The following PDE3A variants were observed in gnomAD, a reference collection of about 807,000 sequenced individuals.
The protein encoded by PDE3A is phosphodiesterase 3A.
PDE3A carries 43 observed loss-of-function variants against 98.3 expected under a neutral mutation model. The observed-to-expected ratio is 0.44, with a 90% CI of 0.34 to 0.56. The LOEUF is 0.56. Ranked by LOEUF, PDE3A falls within the 20% of genes least tolerant of loss-of-function variation. PDE3A has a pLI of 0.01. For missense variants in PDE3A, 1,427 were observed against 1,440.7 expected (o/e 0.99, Z 0.15); for synonymous variants, 663 against 567.9 (o/e 1.17, Z -2.38).
chr12:20,444,293 T>A (rs1944918297), intron 1 of PDE3A, among the ~76,000 whole-genome samples: 1 of 152,196 alleles, frequency 6.6e-6, no homozygotes, highest in South Asian at 2.1e-4. Context: ...CAGTTTTCCA[T>A]GTGCCTTAGA....
chr12:20,380,651 C>T (rs559004587), intron 1 of PDE3A, among the ~76,000 whole-genome samples: 72 of 151,764 alleles, frequency 4.7e-4, no homozygotes, highest in African/African-American at 1.7e-3. Context: ...AAAGTGATTT[C>T]GAACCTTATG....
At chr12:20,584,142 C>CAAAG (rs1283678060) in intron 2 of PDE3A, among the ~76,000 whole-genome samples, 1 of 152,128 alleles carries the variant, frequency 6.6e-6, no homozygotes, top group Non-Finnish European at 1.5e-5. Flanking sequence ...TGTCTCTTGT[C>CAAAG]AAAGACATAA....
chr12:20,446,797 T>G (rs1435555661), intron 1 of PDE3A, among the ~76,000 whole-genome samples: 1 of 152,184 alleles, frequency 6.6e-6, no homozygotes, highest in Admixed American at 6.5e-5. Context: ...GTATGTTATC[T>G]TATATTGGTT....
At chr12:20,547,891 C>T (rs916984575) in intron 1 of PDE3A, among the ~76,000 whole-genome samples, 1 of 152,042 alleles carries the variant, frequency 6.6e-6, no homozygotes, top group Non-Finnish European at 1.5e-5. Context: ...TTAAAAATAT[C>T]TCTGCTTGGA....
chr12:20,607,425 A>G (rs964661583), intron 2 of PDE3A, among the ~76,000 whole-genome samples: 2 of 149,038 alleles, frequency 1.3e-5, no homozygotes, highest in African/African-American at 2.5e-5. Context: ...TGACAGAGTG[A>G]GACTCCGTCT....
intron 1 of PDE3A, among the ~76,000 whole-genome samples, chr12:20,511,168 A>G (rs1411188346): frequency 2.0e-5 from 3 of 152,084 alleles, no homozygotes; most frequent in Non-Finnish European, 4.4e-5. Flanking sequence ...ATGTTGATAC[A>G]AGTGGGTAGA....
chr12:20,384,123 C>A (rs1023231617), intron 1 of PDE3A, among the ~76,000 whole-genome samples: 1 of 151,396 alleles, frequency 6.6e-6, no homozygotes. Flanking sequence ...ATTTTAGAGA[C>A]CAAATAATAA....
chr12:20,668,597 C>T lies in PDE3A; in HGVS notation c.3185-11433C>T, dbSNP rs564893480. ...CCCCCCAGTAGAGGAACACTGACAC[C>T]TCACATGGCAGGGTACTCCAACAGA... On this transcript the variant is annotated intron_variant, in intron 15 of 15. Coordinates refer to ENST00000359062, the MANE Select transcript of PDE3A (RefSeq NM_000921.5). Among the ~76,000 whole-genome samples, 435 of 152,298 alleles carry T rather than the reference C, an allele frequency of 2.9e-3. 2 individuals are homozygous for T. Among genetic ancestry groups the T allele is most frequent in the Middle Eastern group, 6.8e-3 (2 of 294 alleles).
intron 1 of PDE3A, among the ~76,000 whole-genome samples, chr12:20,533,512 C>T (rs1941666487): frequency 1.4e-5 from 2 of 146,786 alleles, no homozygotes; most frequent in African/African-American, 2.5e-5. Context: ...GACGTGGTCT[C>T]GTCCTGTCAC....
At chr12:20,370,326 C>T in intron 1 of PDE3A, 82 bp downstream of exon 1, 4 of 1,257,206 alleles carry the variant, frequency 3.2e-6, no homozygotes, top group Non-Finnish European at 3.2e-6. Flanking sequence ...AATCCGAGCG[C>T]TGGGAACTAA....
At chr12:20,566,540 A>G (rs1253745968) in intron 2 of PDE3A, among the ~76,000 whole-genome samples, 2 of 151,858 alleles carry the variant, frequency 1.3e-5, no homozygotes, top group East Asian at 3.9e-4. Context: ...GTTTAGGAGG[A>G]AAAACCTCTC....
chr12:20,531,484 G>A (rs945085852), intron 1 of PDE3A, among the ~76,000 whole-genome samples: 1 of 152,118 alleles, frequency 6.6e-6, no homozygotes, highest in South Asian at 2.1e-4. Context: ...TAGATAAGAA[G>A]GTACTCCTCT....
chr12:20,594,344 A>G (rs766034827), intron 2 of PDE3A, among the ~76,000 whole-genome samples: 3 of 152,192 alleles, frequency 2.0e-5, no homozygotes, highest in Non-Finnish European at 4.4e-5. Flanking sequence ...GGTATTAACC[A>G]AAAGAAAAAA....
At chr12:20,416,308 A>G (rs1397079412) in intron 1 of PDE3A, among the ~76,000 whole-genome samples, 1 of 152,238 alleles carries the variant, frequency 6.6e-6, no homozygotes, top group Non-Finnish European at 1.5e-5. Flanking sequence ...TATGTGAAAC[A>G]GACAAACTAC....
chr12:20,406,285 T>C (rs1176980631), intron 1 of PDE3A, among the ~76,000 whole-genome samples: 1 of 152,200 alleles, frequency 6.6e-6, no homozygotes, highest in East Asian at 1.9e-4. Flanking sequence ...CAGTTCTGTT[T>C]TTAAGTTTTT....
intron 12 of PDE3A, among the ~76,000 whole-genome samples, chr12:20,648,322 C>G (rs929302581): frequency 6.0e-5 from 9 of 149,142 alleles, no homozygotes; most frequent in Non-Finnish European, 1.2e-4. Context: ...TAATTTTTTT[C>G]TTTTTTCTTT....
At chr12:20,635,247 C>G (rs187397248) in intron 8 of PDE3A, among the ~76,000 whole-genome samples, 191 bp downstream of exon 8, 166 of 152,122 alleles carry the variant, frequency 1.1e-3, no homozygotes, top group African/African-American at 3.9e-3. Context: ...GGTGAAACCC[C>G]TATCTGTAAT....
At chr12:20,644,004 C>T (rs1045096955) in intron 10 of PDE3A, among the ~76,000 whole-genome samples, 10 of 152,078 alleles carry the variant, frequency 6.6e-5, no homozygotes, top group Non-Finnish European at 2.9e-5. Context: ...ATACTGCCCC[C>T]CATCCACCTC....
chr12:20,545,156 A>C (rs1942017066), intron 1 of PDE3A, among the ~76,000 whole-genome samples: 1 of 152,100 alleles, frequency 6.6e-6, no homozygotes, highest in Non-Finnish European at 1.5e-5. Context: ...AGGATAAACC[A>C]GATGTATTAA....
Sources: allele counts gnomAD v4.1 joint callset (sites outside exome capture counted in the v4.1 genomes callset), GRCh38; gene constraint gnomAD v4.1.1; transcripts MANE v1.5; gene names NCBI Gene and HGNC (gene_info 2026-07-23, HGNC 2026-07-21).